Variants in SPAG6 observed in about 807,000 individuals in gnomAD.
SPAG6 encodes sperm-associated antigen 6.
Under a neutral mutation model 58.5 loss-of-function variants are expected in SPAG6, and 49 were observed. That is an observed-to-expected ratio of 0.84 (90% CI 0.67 to 1.06). SPAG6 has a LOEUF of 1.06. Among genes scored for constraint, SPAG6 ranks in the 50% least tolerant of loss-of-function variants. The pLI, the probability that SPAG6 is intolerant of heterozygous loss-of-function variation, is 0.00. For synonymous variants in SPAG6, 233 were observed against 225.6 expected, an observed-to-expected ratio of 1.03 and a Z score of -0.29; for missense variants, 560 against 611.3, an observed-to-expected ratio of 0.92 and a Z score of 0.89.
intron 3 of SPAG6, 29 bp from the exon 4 acceptor site, chr10:22,368,466 T>G: frequency 6.3e-7 from 1 of 1,590,152 alleles, no homozygotes; most frequent in South Asian, 1.1e-5. Flanking sequence ...CTCAATTCAT[T>G]TTGAGTTTTG....
intron 2 of SPAG6, among the ~76,000 whole-genome samples, chr10:22,358,715 G>T (rs1234843737): frequency 6.6e-6 from 1 of 151,818 alleles, no homozygotes; most frequent in Non-Finnish European, 1.5e-5. Flanking sequence ...ATGGTTTTAG[G>T]TCTAACGTTT....
chr10:22,405,046 T>G (rs1394142778), intron 9 of SPAG6, among the ~76,000 whole-genome samples: 1 of 152,196 alleles, frequency 6.6e-6, no homozygotes, highest in Admixed American at 6.5e-5. Flanking sequence ...GCTGAGACAA[T>G]GGGGTTTTCT....
chr10:22,402,150 G>A (rs941059517), intron 9 of SPAG6, among the ~76,000 whole-genome samples: 1 of 152,116 alleles, frequency 6.6e-6, no homozygotes, highest in Admixed American at 6.6e-5. Flanking sequence ...ATTGTAAAGA[G>A]TAAATGAGAT....
chr10:22,377,474 T>TTATAC (rs1833845851), intron 4 of SPAG6, among the ~76,000 whole-genome samples: 1 of 152,234 alleles, frequency 6.6e-6, no homozygotes, highest in African/African-American at 2.4e-5. Flanking sequence ...AAGAGGTTCA[T>TTATAC]TATACTGTAT....
At chr10:22,357,061 A>G (rs1170829183) in intron 2 of SPAG6, among the ~76,000 whole-genome samples, 1 of 152,102 alleles carries the variant, frequency 6.6e-6, no homozygotes, top group Non-Finnish European at 1.5e-5. Context: ...TTGTCAACAT[A>G]TGAAACTCTT....
intron 2 of SPAG6, among the ~76,000 whole-genome samples, chr10:22,348,261 T>C (rs1372616121): frequency 1.3e-5 from 2 of 152,234 alleles, no homozygotes; most frequent in East Asian, 3.8e-4. Context: ...AGCACTGGGA[T>C]TGCGCCCGGC....
rs114780800 is a variant in SPAG6, at chr10:22,415,905, G to A, written c.1461-714G>A. ...TCTGCATGTAAGTTATTTCCATGAC[G>A]TATTAAGCATCTCACAATGCACTGA... is the stretch of plus-strand genomic sequence containing the variant. On this transcript the variant is annotated intron_variant, in intron 10 of 10. Coordinates refer to ENST00000376624, the MANE Select transcript of SPAG6 (RefSeq NM_012443.4). 8.8e-3 allele frequency among the ~76,000 whole-genome samples: 1,340 copies of A among 151,966 alleles called. 20 individuals are homozygous for A. The highest frequency in any genetic ancestry group is 0.03 in the African/African-American group (1,241 of 41,452).
intron 8 of SPAG6, 125 bp downstream of exon 8, chr10:22,392,045 T>C (rs1424374306): frequency 1.5e-6 from 1 of 655,252 alleles, no homozygotes; most frequent in Non-Finnish European, 2.6e-6. Flanking sequence ...TTATCAGAAC[T>C]GACTTCACTC....
chr10:22,346,039 G>A (rs1256414343), intron 2 of SPAG6: 1 of 1,539,350 alleles, frequency 6.5e-7, no homozygotes, highest in African/African-American at 1.4e-5. Context: ...CATCTTCATT[G>A]CACACAGGCA....
chr10:22,373,311 A>G (rs934620736), intron 4 of SPAG6, among the ~76,000 whole-genome samples: 3 of 152,152 alleles, frequency 2.0e-5, no homozygotes, highest in Non-Finnish European at 2.9e-5. Context: ...ATTGTTTTCT[A>G]TCTTGTATTG....
chr10:22,416,165 C>G (rs538870814), intron 10 of SPAG6, among the ~76,000 whole-genome samples: 1 of 152,000 alleles, frequency 6.6e-6, no homozygotes, highest in Non-Finnish European at 1.5e-5. Context: ...GTGACCAGAT[C>G]TGATTAAAAC....
intron 4 of SPAG6, among the ~76,000 whole-genome samples, chr10:22,384,456 G>A (rs1834024058): frequency 6.6e-6 from 1 of 152,152 alleles, no homozygotes; most frequent in Non-Finnish European, 1.5e-5. Context: ...TGTTGGATGT[G>A]TAATATGTAG....
At chr10:22,385,164 A>G (rs1564371733) in intron 4 of SPAG6, among the ~76,000 whole-genome samples, 1 of 152,278 alleles carries the variant, frequency 6.6e-6, no homozygotes, top group Non-Finnish European at 1.5e-5. Context: ...TTTAGAAATT[A>G]TATGTAATAT....
chr10:22,347,173 C>T (rs1836585540), intron 2 of SPAG6, among the ~76,000 whole-genome samples: 1 of 152,184 alleles, frequency 6.6e-6, no homozygotes, highest in African/African-American at 2.4e-5. Flanking sequence ...ACACCTCCTG[C>T]TATCCCTAAC....
chr10:22,362,705 G>C (rs1837079312), intron 2 of SPAG6, among the ~76,000 whole-genome samples: 1 of 151,972 alleles, frequency 6.6e-6, no homozygotes, highest in African/African-American at 2.4e-5. Flanking sequence ...CTCCAGCCTA[G>C]GCAACAGAGC....
intron 10 of SPAG6, 61 bp downstream of exon 10, chr10:22,411,237 T>C: frequency 7.1e-7 from 1 of 1,400,898 alleles, no homozygotes; most frequent in South Asian, 1.4e-5. Context: ...TTTTCACATC[T>C]AGGTTTTATA....
intron 4 of SPAG6, among the ~76,000 whole-genome samples, chr10:22,375,066 G>A (rs952116958): frequency 6.6e-6 from 1 of 152,208 alleles, no homozygotes; most frequent in South Asian, 2.1e-4. Flanking sequence ...GTGCTAAATG[G>A]ATAAAGAGAA....
Position 22,391,821 on chromosome 10 carries a change from C to G in SPAG6, c.1098C>G (p.His366Gln). The part of the protein sequence containing the change: ...AAWALGQIGR[H>Q]TPEHARAVAV... ...GGGCCTTAGGACAGATTGGAAGACA[C>G]ACTCCTGAACACGCACGGGCTGTTG... The change falls in exon 8 of 11, where the codon CAC becomes CAG. Residue 366 changes from histidine to glutamine, a missense_variant. Physicochemically the swap from His to Gln is conservative, Grantham distance 24. Coordinates refer to ENST00000376624, the MANE Select transcript of SPAG6 (RefSeq NM_012443.4). 2 of 1,613,542 alleles carry G rather than the reference C, an allele frequency of 1.2e-6. No homozygotes were observed. Among genetic ancestry groups the G allele is most frequent in the South Asian group, 2.2e-5 (2 of 91,064 alleles).
chr10:22,364,768 T>A, intron 2 of SPAG6, 85 bp from the exon 3 acceptor site: 2 of 948,314 alleles, frequency 2.1e-6, no homozygotes, highest in Non-Finnish European at 1.5e-6. Context: ...TCCCTTTAAT[T>A]TTACTGTCTG....
Sources: gnomAD v4.1 joint callset for allele counts (sites outside exome capture counted in the v4.1 genomes callset) on GRCh38, gnomAD v4.1.1 for gene constraint, MANE v1.5 for transcripts, NCBI Gene and HGNC (gene_info 2026-07-23, HGNC 2026-07-21) for gene names.